The following CALU variants were observed in gnomAD, a reference collection of about 807,000 sequenced individuals.
The protein encoded by CALU is IEF SSP 9302.
In CALU, 13 loss-of-function variants were observed where a neutral mutation model predicts 37.5. The ratio of observed to expected loss-of-function variants is 0.35; its 90% CI spans 0.23 to 0.55. CALU has a LOEUF of 0.55. Ranked by LOEUF, CALU falls within the 20% of genes least tolerant of loss-of-function variation. CALU has a pLI of 0.89. For missense variants in CALU, 282 were observed against 391.7 expected, an observed-to-expected ratio of 0.72 and a Z score of 2.36; for synonymous variants, 114 against 133.8, an observed-to-expected ratio of 0.85 and a Z score of 1.02.
At chr7:128,744,497 G>A (rs1489558124) in intron 1 of CALU, among the ~76,000 whole-genome samples, 3 of 151,822 alleles carry the variant, frequency 2.0e-5, no homozygotes, top group Admixed American at 6.6e-5. Flanking sequence ...CACAAAGGAC[G>A]TTTTGTTTTT....
chr7:128,767,411 G>A (rs1381807792), intron 5 of CALU, 45 bp from the exon 6 acceptor site: 2 of 1,473,102 alleles, frequency 1.4e-6, no homozygotes, highest in Non-Finnish European at 1.9e-6. Context: ...GGCAGTTTTG[G>A]GGAAAAGACA....
intron 5 of CALU, among the ~76,000 whole-genome samples, chr7:128,763,666 T>C (rs1311077950): frequency 6.6e-6 from 1 of 152,250 alleles, no homozygotes; most frequent in Non-Finnish European, 1.5e-5. Flanking sequence ...AGCATGTGTC[T>C]ATTTCCTAAT....
chr7:128,765,029 C>T (rs1030726013), intron 5 of CALU, among the ~76,000 whole-genome samples: 1 of 152,014 alleles, frequency 6.6e-6, no homozygotes, highest in East Asian at 1.9e-4. Context: ...TCAAGTGATC[C>T]TCTCACCTCA....
At chr7:128,756,298 T>C (rs1397313205) in intron 3 of CALU, among the ~76,000 whole-genome samples, 2 of 152,254 alleles carry the variant, frequency 1.3e-5, no homozygotes, top group African/African-American at 4.8e-5. Flanking sequence ...CGGTGCTGTG[T>C]ATGATTATGT....
rs114315931 is a variant in CALU, at chr7:128,752,403, G to A, written c.222-1859G>A. Among the ~76,000 whole-genome samples, 343 of 152,144 alleles carry A rather than the reference G, an allele frequency of 2.3e-3. 1 individual carries two copies. The highest frequency in any genetic ancestry group is 7.5e-3 in the African/African-American group (313 of 41,512). The stretch of plus-strand genomic sequence containing the variant: ...GTCATATGTCTTTTTTTATCTGGGC[G>A]ATCCTTCTCTTCAGGCTATTTATAA... On this transcript the variant is annotated intron_variant, in intron 2 of 6. Coordinates refer to ENST00000249364, the MANE Select transcript of CALU (RefSeq NM_001219.5).
Position 128,748,703 on chromosome 7 carries a change from T to C in CALU, c.120T>C (p.Asn40=). ...CTCAGCTCAGTGACAAGGTTCACAA[T>C]GATGCTCAGAGTTTTGATTATGACC... The part of the protein sequence containing the change: ...HEPQLSDKVH[N]DAQSFDYDHD... Residue 40 remains asparagine (N), a synonymous_variant, in exon 2 of 7, where the codon AAT becomes AAC. Coordinates refer to ENST00000249364, the MANE Select transcript of CALU (RefSeq NM_001219.5). 12 of 1,614,216 alleles carry C rather than the reference T, an allele frequency of 7.4e-6. No homozygotes were observed. The highest frequency in any genetic ancestry group is 1.0e-5 in the Non-Finnish European group (12 of 1,180,026).
chr7:128,772,551 C>A lies in CALU; in HGVS notation c.*3384C>A. On this transcript the variant is annotated 3_prime_UTR_variant, in exon 7 of 7. Transcript: ENST00000249364. The stretch of plus-strand genomic sequence containing the variant: ...CCAATATTGGGTCCTCAGTTGGGGC[C>A]AACTTGGGTAGACGAGACAGTAGAA... The A allele has an allele frequency of 6.2e-7, 1 of 1,614,106 alleles. No homozygotes were observed.
chr7:128,751,788 A>G (rs1800686166), intron 2 of CALU, among the ~76,000 whole-genome samples: 1 of 152,196 alleles, frequency 6.6e-6, no homozygotes, highest in Admixed American at 6.5e-5. Flanking sequence ...AATATTAGTC[A>G]CCCTTCTGGA....
At chr7:128,740,534 A>G (rs1396548181) in intron 1 of CALU, among the ~76,000 whole-genome samples, 4 of 152,200 alleles carry the variant, frequency 2.6e-5, no homozygotes, top group African/African-American at 9.7e-5. Context: ...ACCAAACGAC[A>G]GTAATCACTG....
chr7:128,746,873 A>G (rs1274569492), intron 1 of CALU, among the ~76,000 whole-genome samples: 1 of 145,978 alleles, frequency 6.9e-6, no homozygotes, highest in Non-Finnish European at 1.5e-5. Flanking sequence ...GGTTCACGCC[A>G]TTCTCCTGCC....
intron 5 of CALU, among the ~76,000 whole-genome samples, chr7:128,762,640 A>G (rs552348654): frequency 6.6e-6 from 1 of 151,380 alleles, no homozygotes; most frequent in Non-Finnish European, 1.5e-5. Flanking sequence ...ATTATAGAGC[A>G]TTGCAGACGT....
chr7:128,759,290 A>G (rs577799673), intron 4 of CALU, among the ~76,000 whole-genome samples: 1 of 152,268 alleles, frequency 6.6e-6, no homozygotes, highest in Admixed American at 6.5e-5. Context: ...GTATTTTGCC[A>G]TTTCATTGGT....
chr7:128,752,515 T>C (rs764827572), intron 2 of CALU, among the ~76,000 whole-genome samples: 2 of 152,202 alleles, frequency 1.3e-5, no homozygotes, highest in Non-Finnish European at 2.9e-5. Context: ...AGTGGCACTA[T>C]TGGTAGCCAG....
intron 6 of CALU, among the ~76,000 whole-genome samples, chr7:128,768,856 A>AAAAAAAAAAAAAAAAAAAAC (rs1312951703): frequency 1.3e-5 from 2 of 149,850 alleles, no homozygotes; most frequent in African/African-American, 5.0e-5. Flanking sequence ...TCAAAAAAAA[A>AAAAAAAAAAAAAAAAAAAAC]AAAAAAAAAA....
intron 5 of CALU, among the ~76,000 whole-genome samples, chr7:128,765,982 A>C (rs953743717): frequency 6.6e-6 from 1 of 152,092 alleles, no homozygotes; most frequent in Non-Finnish European, 1.5e-5. Context: ...TTCAAGGTGG[A>C]GTCTCTCTCT....
chr7:128,743,406 C>T (rs1800312272), intron 1 of CALU, among the ~76,000 whole-genome samples: 1 of 152,118 alleles, frequency 6.6e-6, no homozygotes, highest in Non-Finnish European at 1.5e-5. Flanking sequence ...GTATTGTGAT[C>T]AGTATGTATG....
rs544268417 is a variant in CALU at position 128,757,144 on chromosome 7, A to G, written c.416-1727A>G. On this transcript the variant is annotated intron_variant, in intron 3 of 6. Coordinates refer to ENST00000249364, the MANE Select transcript of CALU (RefSeq NM_001219.5). The stretch of plus-strand genomic sequence containing the variant: ...CTTATATATATATGTGCATGTTGCT[A>G]TTAGGCTATTTGAGTCCAGTCACCA... Among the ~76,000 whole-genome samples the G allele has an allele frequency of 9.2e-5, 14 of 152,214 alleles. No individual in the cohort carries two copies. In the South Asian group the frequency reaches 2.1e-3, roughly 23 times the overall value.
rs1488341131 is a variant in CALU at position 128,773,265 on chromosome 7, C to A, written c.*4098C>A. ...GCAAGGACTGAAAATTGAGAGGAATCTGAGTTTTTATTTTTATTTTTTTAA... is the reference window on the plus strand; with the variant it reads ...GCAAGGACTGAAAATTGAGAGGAATATGAGTTTTTATTTTTATTTTTTTAA... On this transcript the variant is annotated 3_prime_UTR_variant, in exon 7 of 7. Transcript: ENST00000249364. Among the ~76,000 whole-genome samples, 1 of 152,180 alleles carries A rather than the reference C, an allele frequency of 6.6e-6. No homozygotes were observed. Among genetic ancestry groups the A allele is most frequent in the Non-Finnish European group, 1.5e-5 (1 of 68,030 alleles).
chr7:128,751,783 T>C (rs554331944), intron 2 of CALU, among the ~76,000 whole-genome samples: 13 of 152,248 alleles, frequency 8.5e-5, no homozygotes, highest in African/African-American at 2.9e-4. Context: ...TCAGGAATAT[T>C]AGTCACCCTT....
Sources: gnomAD v4.1 joint callset for allele counts (sites outside exome capture counted in the v4.1 genomes callset) on GRCh38, gnomAD v4.1.1 for gene constraint, MANE v1.5 for transcripts, NCBI Gene and HGNC (gene_info 2026-07-23, HGNC 2026-07-21) for gene names.